SMYD4: variants seen among roughly 807,000 people sequenced by gnomAD.
SMYD4 encodes the protein SET and MYND domain containing 4, also known as protein-lysine N-methyltransferase SMYD4.
SMYD4 carries 68 observed loss-of-function variants against 72.8 expected under a neutral mutation model. The observed-to-expected ratio is 0.93, with a 90% CI of 0.77 to 1.14. The LOEUF is 1.14. Ranked by LOEUF, SMYD4 falls within the 50% of genes most tolerant of loss-of-function variation. The pLI, the probability that SMYD4 is intolerant of heterozygous loss-of-function variation, is 0.00. For missense variants in SMYD4, 984 were observed against 1,003.7 expected (o/e 0.98, Z 0.27); for synonymous variants, 407 against 388.6 (o/e 1.05, Z -0.56).
At chr17:1,783,909 G>A (rs544143885) in intron 8 of SMYD4, 2 of 289,018 alleles carry the variant, frequency 6.9e-6, no homozygotes, top group South Asian at 4.5e-5. Flanking sequence ...ACTCCTATCA[G>A]CTGGGCTCAC....
intron 2 of SMYD4, among the ~76,000 whole-genome samples, chr17:1,817,602 G>A (rs1910680103): frequency 6.6e-6 from 1 of 152,158 alleles, no homozygotes; most frequent in Non-Finnish European, 1.5e-5. Flanking sequence ...TCAAAAGAGT[G>A]GTGGGATTAC....
At chr17:1,795,122 T>C (rs776408023) in intron 5 of SMYD4, among the ~76,000 whole-genome samples, 1 of 152,154 alleles carries the variant, frequency 6.6e-6, no homozygotes, top group Non-Finnish European at 1.5e-5. Context: ...GAGTTCTAGG[T>C]TTCCCCACAG....
intron 2 of SMYD4, 94 bp from the exon 3 acceptor site, chr17:1,812,209 C>A: frequency 7.6e-7 from 1 of 1,323,346 alleles, no homozygotes; most frequent in Non-Finnish European, 1.0e-6. Flanking sequence ...AGTGGGCCCG[C>A]AAAACATTTC....
chr17:1,786,958 C>G lies in SMYD4; in HGVS notation c.1736G>C (p.Arg579Pro). 6.2e-7 allele frequency: 1 copy of G among 1,613,856 alleles called. No individual in the cohort carries two copies. Among genetic ancestry groups the G allele is most frequent in the Non-Finnish European group, 8.5e-7 (1 of 1,180,024 alleles). Residue 579 changes from arginine (R) to proline (P), a missense_variant, in exon 7 of 11, where the codon CGG (arginine) becomes CCG (proline). Coordinates refer to ENST00000305513, the MANE Select transcript of SMYD4 (RefSeq NM_052928.3). The part of the protein sequence containing the change: ...ILHCYGPHKS[R>P]MGVAERQQKL... ...CTGCTGCCTTTCGGCAACCCCCATCCGGCTCTTGTGAGGCCCTGGAGGGAG... is the reference window on the plus strand; with the variant it reads ...CTGCTGCCTTTCGGCAACCCCCATCGGGCTCTTGTGAGGCCCTGGAGGGAG...
Position 1,800,654 on chromosome 17 carries a change from A to C in SMYD4, c.740T>G (p.Leu247Arg), listed in dbSNP as rs768534931. ...TGGGAGAATATCTTTTGTGGCAACGAGACAGCGACCTTTTAAAGGATCTAC... is the reference window on the plus strand; with the variant it reads ...TGGGAGAATATCTTTTGTGGCAACGCGACAGCGACCTTTTAAAGGATCTAC... ...LCVDPLKGRC[L>R]VATKDILPGE... Residue 247 changes from leucine to arginine, a missense_variant, in exon 5 of 11, where the codon CTC becomes CGC. By Grantham distance (102) the Leu-to-Arg change is moderately radical. Transcript: ENST00000305513. The C allele has an allele frequency of 8.1e-6, 13 of 1,614,102 alleles. No homozygotes were observed. Among genetic ancestry groups the C allele is most frequent in the East Asian group, 2.2e-5 (1 of 44,894 alleles).
In SMYD4 at chr17:1,800,708, G is replaced by C. The variant is rs756501365; in HGVS notation, c.686C>G (p.Ser229Cys). The change falls in exon 5 of 11, where the codon TCC (serine) becomes TGC (cysteine). Residue 229 changes from serine (S) to cysteine (C), a missense_variant. By Grantham distance (112) the Ser-to-Cys change is moderately radical (BLOSUM62 -1). Coordinates refer to ENST00000305513, the MANE Select transcript of SMYD4 (RefSeq NM_052928.3). ...TAAGCCGATGGATGATGAGGCATTG[G>C]AAAGTTGTTCATTCTCCTCCCTCAG... ...AALREENEQL[S>C]NASSSIGLCV... 10 of 1,614,120 alleles carry C rather than the reference G, an allele frequency of 6.2e-6. No individual in the cohort carries two copies. The South Asian group carries it at 1.1e-4, about 18-fold the overall frequency.
chr17:1,824,354 A>G (rs990038830), intron 2 of SMYD4, among the ~76,000 whole-genome samples: 1 of 152,174 alleles, frequency 6.6e-6, no homozygotes, highest in South Asian at 2.1e-4. Context: ...AAAGAAAAAT[A>G]ATACTAATAA....
chr17:1,784,810 T>A lies in SMYD4; in HGVS notation c.1885-349A>T, dbSNP rs538615117. Reference sequence around the variant, plus strand: ...TTTTGAGATGGAGTCTCGCTCGGTCTCCAGGCTGGAGTGCAGTGGTGCGAT... The same window carrying A: ...TTTTGAGATGGAGTCTCGCTCGGTCACCAGGCTGGAGTGCAGTGGTGCGAT... On this transcript the variant is annotated intron_variant, in intron 7 of 10. Coordinates refer to ENST00000305513, the MANE Select transcript of SMYD4 (RefSeq NM_052928.3). 3.3e-5 allele frequency among the ~76,000 whole-genome samples: 5 copies of A among 152,030 alleles called. No individual in the cohort carries two copies. The South Asian group carries it at 8.3e-4, about 25-fold the overall frequency.
At chr17:1,820,316 G>A (rs1258750243) in intron 2 of SMYD4, among the ~76,000 whole-genome samples, 1 of 151,680 alleles carries the variant, frequency 6.6e-6, no homozygotes, top group Non-Finnish European at 1.5e-5. Context: ...CATAGCTCAC[G>A]ACAGCCTCGA....
Position 1,800,285 on chromosome 17 carries a change from A to C in SMYD4, c.1109T>G (p.Leu370Arg). 1.2e-6 allele frequency: 2 copies of C among 1,614,108 alleles called. 1 individual carries two copies. Among genetic ancestry groups the C allele is most frequent in the Non-Finnish European group, 1.7e-6 (2 of 1,180,034 alleles). ...GTCCTTGTTACTAATCTTATCACAAAGCTTCGTTATGATTTTGCGAACATC... is the reference window on the plus strand; with the variant it reads ...GTCCTTGTTACTAATCTTATCACAACGCTTCGTTATGATTTTGCGAACATC... ...FEDVRKIITK[L>R]CDKISNKDIC... is the part of the protein sequence containing the mutation. The change falls in exon 5 of 11, where the codon CTT becomes CGT. Residue 370 changes from leucine (L) to arginine (R), a missense_variant. Physicochemically the swap from Leu to Arg is moderately radical, Grantham distance 102. Transcript: ENST00000305513.
chr17:1,802,301 G>A (rs1249145803), intron 4 of SMYD4, among the ~76,000 whole-genome samples: 1 of 151,916 alleles, frequency 6.6e-6, no homozygotes, highest in African/African-American at 2.4e-5. Context: ...GACCAACCCG[G>A]ACAACACAGA....
At chr17:1,784,004 AAAT>A in intron 8 of SMYD4, 1 of 341,114 alleles carries the variant, frequency 2.9e-6, no homozygotes, top group Non-Finnish European at 5.4e-6. Context: ...CCTGGAATTA[AAAT>A]AAATGACACT....
chr17:1,823,973 T>C (rs888987104), intron 2 of SMYD4, among the ~76,000 whole-genome samples: 1 of 152,168 alleles, frequency 6.6e-6, no homozygotes, highest in African/African-American at 2.4e-5. Context: ...TCAGATAGCC[T>C]AGTTTCATAG....
chr17:1,783,337 G>A, intron 9 of SMYD4, 23 bp downstream of exon 9: 2 of 1,611,652 alleles, frequency 1.2e-6, no homozygotes, highest in Non-Finnish European at 1.7e-6. Flanking sequence ...TCCCGACGCA[G>A]AACGTGAAGG....
chr17:1,786,999 T>C (rs1197655203), intron 6 of SMYD4, 26 bp from the exon 7 acceptor site: 5 of 1,549,782 alleles, frequency 3.2e-6, no homozygotes, highest in Non-Finnish European at 4.3e-6. Flanking sequence ...CGTCAGCCAA[T>C]ATTGAAAGCA....
In SMYD4 at chr17:1,784,372, C is replaced by CTGTA; in HGVS notation, c.1970_1973dup (p.Gln658HisfsTer16). 1 of 1,614,254 alleles carries CTGTA rather than the reference C, an allele frequency of 6.2e-7. No individual in the cohort carries two copies. Among genetic ancestry groups the CTGTA allele is most frequent in the Non-Finnish European group, 8.5e-7 (1 of 1,180,048 alleles). ...GCTTCTGGGCCACTCTGACCTGCTG[C>CTGTA]TGTAGGTCCTGTAACCGAGAGACCA... On this transcript the variant is annotated frameshift_variant, in exon 8 of 11. Transcript: ENST00000305513. LOFTEE classifies it high-confidence loss of function.
At chr17:1,791,838 G>A (rs1375617554) in intron 5 of SMYD4, among the ~76,000 whole-genome samples, 4 of 152,018 alleles carry the variant, frequency 2.6e-5, no homozygotes, top group African/African-American at 9.7e-5. Flanking sequence ...AGTGAGCTAC[G>A]ATCGCCCCAC....
chr17:1,825,666 C>A lies in SMYD4; in HGVS notation c.134+2195G>T, dbSNP rs1302278158. ...AGCTGGGACGACAGGCACATGCCACCATGCTTGGCTAATTTTTAAAATTTG... is the reference window on the plus strand; with the variant it reads ...AGCTGGGACGACAGGCACATGCCACAATGCTTGGCTAATTTTTAAAATTTG... On this transcript the variant is annotated intron_variant, in intron 2 of 10. Coordinates refer to ENST00000305513, the MANE Select transcript of SMYD4 (RefSeq NM_052928.3). Among the ~76,000 whole-genome samples, 4 of 152,116 alleles carry A rather than the reference C, an allele frequency of 2.6e-5. No individual in the cohort carries two copies. In the South Asian group the frequency reaches 8.3e-4, roughly 32 times the overall value.
chr17:1,828,911 T>C (rs187483244), intron 1 of SMYD4, among the ~76,000 whole-genome samples: 1 of 152,092 alleles, frequency 6.6e-6, no homozygotes, highest in Non-Finnish European at 1.5e-5. Flanking sequence ...CCCTCTCTAG[T>C]TTCTCTGAGA....
Sources: allele counts gnomAD v4.1 joint callset (sites outside exome capture counted in the v4.1 genomes callset), GRCh38; gene constraint gnomAD v4.1.1; transcripts MANE v1.5; gene names NCBI Gene and HGNC (gene_info 2026-07-23, HGNC 2026-07-21).